The following PRKACA variants were observed in gnomAD, a reference collection of about 807,000 sequenced individuals.
PRKACA encodes cAMP-dependent protein kinase catalytic subunit alpha.
PRKACA carries 9 observed loss-of-function variants against 45.8 expected under a neutral mutation model. That is an observed-to-expected ratio of 0.20 (90% CI 0.12 to 0.34). PRKACA has a LOEUF of 0.34. Among genes scored for constraint, PRKACA ranks in the 10% least tolerant of loss-of-function variants. The probability of loss-of-function intolerance (pLI) is 1.00; values close to 1 mark genes in which losing one functional copy is unlikely to be tolerated. For missense variants in PRKACA, 238 were observed against 458.6 expected, an observed-to-expected ratio of 0.52 and a Z score of 4.39; for synonymous variants, 160 against 178.6, an observed-to-expected ratio of 0.90 and a Z score of 0.83.
intron 1 of PRKACA, among the ~76,000 whole-genome samples, chr19:14,114,467 C>T (rs1967065907): frequency 6.6e-6 from 1 of 152,094 alleles, no homozygotes; most frequent in South Asian, 2.1e-4. Context: ...TAGGATGTTA[C>T]ACGGCACTAG....
At position 14,097,976 on chromosome 19, in the gene PRKACA, G is replaced by A; in HGVS notation, c.420-86C>T. The A allele has an allele frequency of 6.5e-7, 1 of 1,538,024 alleles. No individual in the cohort carries two copies. The highest frequency in any genetic ancestry group is 2.3e-5 in the East Asian group (1 of 44,116). On this transcript the variant is annotated intron_variant, in intron 5 of 9. Transcript: ENST00000308677. The surrounding 1 kb of genome is among the most constrained non-coding windows in gnomAD (Gnocchi z 5.4). Reference sequence around the variant, plus strand: ...TGGCCCTGCAGAGCCTACCCCAGAGGAAGACACCTCCAGTCCAGCCGTCAG... The same window carrying A: ...TGGCCCTGCAGAGCCTACCCCAGAGAAAGACACCTCCAGTCCAGCCGTCAG...
At chr19:14,093,375 C>T (rs1157056904) in intron 9 of PRKACA, 138 bp from the exon 10 acceptor site, 2 of 1,238,514 alleles carry the variant, frequency 1.6e-6, no homozygotes, top group African/African-American at 3.1e-5. Context: ...ATGGATTCCT[C>T]TTAACAGCCC....
chr19:14,093,627 C>A lies in PRKACA; in HGVS notation c.930+1G>T. 1 of 1,612,498 alleles carries A rather than the reference C, an allele frequency of 6.2e-7. No individual in the cohort carries two copies. On this transcript the variant is annotated splice_donor_variant, in intron 9 of 9. Coordinates refer to ENST00000308677, the MANE Select transcript of PRKACA (RefSeq NM_002730.4). LOFTEE classifies it high-confidence loss of function. The stretch of plus-strand genomic sequence containing the variant: ...AGCAGGCTTAAGGAGGGGAGGCCCA[C>A]CTTCCTCTGGTAGATGGCAATCCAG...
chr19:14,098,649 C>A (rs1468093207), intron 5 of PRKACA, among the ~76,000 whole-genome samples: 5 of 151,526 alleles, frequency 3.3e-5, no homozygotes, highest in African/African-American at 4.9e-5. Flanking sequence ...GTGTGCACCA[C>A]CACGCCCGGC....
chr19:14,093,556 C>T (rs41296300), intron 9 of PRKACA, 72 bp downstream of exon 9: 1 of 1,523,216 alleles, frequency 6.6e-7, no homozygotes, highest in African/African-American at 1.4e-5. Context: ...TTCTCTATTT[C>T]TCTATTGGCT....
At position 14,107,845 on chromosome 19, in the gene PRKACA, G is replaced by A. The variant is rs1046030816; in HGVS notation, c.47-436C>T. 41 of 995,590 alleles carry A rather than the reference G, an allele frequency of 4.1e-5. No homozygotes were observed. In the African/African-American group the frequency reaches 7.0e-4, roughly 17 times the overall value. 61.7% of individuals were successfully genotyped at this position (995,590 alleles called of 1,614,324 possible). A position where few individuals can be genotyped will look rare whatever the true frequency, so the allele number is the denominator to read the frequency against. The stretch of plus-strand genomic sequence containing the variant: ...GGGGCTCGGGTAGCAGGTGCCCTTG[G>A]GGGGCTCAGCTGTCACCTTGGCCCC... On this transcript the variant is annotated intron_variant, in intron 1 of 9. Coordinates refer to ENST00000308677, the MANE Select transcript of PRKACA (RefSeq NM_002730.4).
chr19:14,099,578 A>AC (rs1977380256), intron 5 of PRKACA, among the ~76,000 whole-genome samples: 1 of 147,300 alleles, frequency 6.8e-6, no homozygotes, highest in South Asian at 2.1e-4. Context: ...GGAATGTGCC[A>AC]CCACACCTGA....
chr19:14,095,411 C>T (rs183647647), intron 8 of PRKACA, among the ~76,000 whole-genome samples: 124 of 152,054 alleles, frequency 8.2e-4, no homozygotes, highest in African/African-American at 2.5e-3. Context: ...CCTCGTGATC[C>T]GCCCGCCTCG....
At chr19:14,109,766 C>A (rs185887261) in intron 1 of PRKACA, among the ~76,000 whole-genome samples, 1 of 149,670 alleles carries the variant, frequency 6.7e-6, no homozygotes, top group Admixed American at 6.7e-5. Context: ...GGTGAAACCC[C>A]GTCTCTACTA....
chr19:14,113,043 T>C (rs758008228), intron 1 of PRKACA, among the ~76,000 whole-genome samples: 1 of 152,176 alleles, frequency 6.6e-6, no homozygotes, highest in Non-Finnish European at 1.5e-5. Context: ...CCTGCTATCC[T>C]GAGAGAGAAA....
intron 3 of PRKACA, among the ~76,000 whole-genome samples, chr19:14,105,320 T>C (rs1977570426): frequency 6.6e-6 from 1 of 152,026 alleles, no homozygotes; most frequent in African/African-American, 2.4e-5. Context: ...GAGACCAACC[T>C]GACCAACATG....
At chr19:14,105,486 G>A (rs1977575098) in intron 3 of PRKACA, among the ~76,000 whole-genome samples, 1 of 151,790 alleles carries the variant, frequency 6.6e-6, no homozygotes, top group South Asian at 2.1e-4. Flanking sequence ...AGTCCAGCCT[G>A]GGCGACAAGA....
chr19:14,111,847 T>A (rs1966974781), intron 1 of PRKACA, among the ~76,000 whole-genome samples: 2 of 152,158 alleles, frequency 1.3e-5, no homozygotes, highest in African/African-American at 4.8e-5. Flanking sequence ...CTCTTGGGAT[T>A]CTACCTTCAC....
At chr19:14,106,321 T>C (rs4926179) in intron 3 of PRKACA, among the ~76,000 whole-genome samples, 29,247 of 151,788 alleles carry the variant, frequency 0.19, 3,542 homozygotes, top group African/African-American at 0.35. Context: ...TCACTGCACT[T>C]TCCTGCTTGG....
intron 3 of PRKACA, among the ~76,000 whole-genome samples, chr19:14,105,973 C>T (rs960742840): frequency 6.6e-6 from 1 of 152,126 alleles, no homozygotes; most frequent in Non-Finnish European, 1.5e-5. Flanking sequence ...GCTTTGAATC[C>T]ATGGCCGGCC....
rs1483511497 is a variant in PRKACA, at chr19:14,091,852, G to A, written c.*1260C>T. ...AGAACTCCTCCTGGGATGGGGAGAA[G>A]TTATGAGAGGGGGAAATACGGGGAT... On this transcript the variant is annotated 3_prime_UTR_variant, in exon 10 of 10. Transcript: ENST00000308677. The A allele has an allele frequency of 2.0e-5, 3 of 152,438 alleles. No homozygotes were observed. Among genetic ancestry groups the A allele is most frequent in the Non-Finnish European group, 4.4e-5 (3 of 68,050 alleles). The allele number at this position is 152,438 out of a possible 1,614,324, so 9.4% of individuals were successfully genotyped here.
At chr19:14,093,362 G>C in intron 9 of PRKACA, 125 bp from the exon 10 acceptor site, 1 of 1,317,640 alleles carries the variant, frequency 7.6e-7, no homozygotes, top group Non-Finnish European at 1.0e-6. Context: ...TTACCATTAG[G>C]TTATGGATTC....
chr19:14,111,344 C>T (rs1390885752), intron 1 of PRKACA, among the ~76,000 whole-genome samples: 1 of 151,894 alleles, frequency 6.6e-6, no homozygotes, highest in African/African-American at 2.4e-5. Flanking sequence ...TTGCAGTGGG[C>T]TCAGATCGCG....
At chr19:14,111,365 C>T (rs958715864) in intron 1 of PRKACA, among the ~76,000 whole-genome samples, 2 of 151,832 alleles carry the variant, frequency 1.3e-5, no homozygotes, top group Non-Finnish European at 2.9e-5. Context: ...CCATTGCACT[C>T]CAGCCTGGAC....
Sources: allele counts gnomAD v4.1 joint callset (sites outside exome capture counted in the v4.1 genomes callset), GRCh38; gene constraint gnomAD v4.1.1; non-coding constraint Gnocchi (gnomAD v3.1); transcripts MANE v1.5; gene names NCBI Gene and HGNC (gene_info 2026-07-23, HGNC 2026-07-21).